The following DNAH14 variants were observed in gnomAD, a reference collection of about 807,000 sequenced individuals.
DNAH14 encodes the protein dynein axonemal heavy chain 14.
In DNAH14, 478 loss-of-function variants were observed where a neutral mutation model predicts 520.9. That is an observed-to-expected ratio of 0.92 (90% CI 0.85 to 0.99). DNAH14 has a LOEUF of 0.99. Among genes scored for constraint, DNAH14 ranks in the 50% least tolerant of loss-of-function variants. The pLI is 0.00. For synonymous variants in DNAH14, 1,581 were observed against 1,757.2 expected (o/e 0.90, Z 2.51); for missense variants, 4,831 against 5,234.5 (o/e 0.92, Z 2.38).
At chr1:225,126,752 T>G (rs891686098) in intron 27 of DNAH14, among the ~76,000 whole-genome samples, 1 of 152,162 alleles carries the variant, frequency 6.6e-6, no homozygotes, top group Admixed American at 6.5e-5. Context: ...TCTGCAAGCT[T>G]TTGAATGTGT....
intron 27 of DNAH14, among the ~76,000 whole-genome samples, chr1:225,124,565 C>G (rs924235075): frequency 1.3e-5 from 2 of 152,196 alleles, no homozygotes; most frequent in African/African-American, 4.8e-5. Context: ...CAAGTTTTTT[C>G]ATGAGATTGC....
intron 42 of DNAH14, among the ~76,000 whole-genome samples, chr1:225,234,048 C>G (rs1230232609): frequency 6.6e-6 from 1 of 152,144 alleles, no homozygotes; most frequent in Non-Finnish European, 1.5e-5. Flanking sequence ...ATAGGGAATC[C>G]TTTCCCCATT....
Position 225,389,735 on chromosome 1 carries a change from T to C in DNAH14, c.13192T>C (p.Tyr4398His). 6.4e-7 allele frequency: 1 copy of C among 1,552,134 alleles called. No homozygotes were observed. The highest frequency in any genetic ancestry group is 8.7e-7 in the Non-Finnish European group (1 of 1,147,058). Reference sequence around the variant, plus strand: ...AACCTGTGGTCTGCCTTCCACTAGGTATATGAGATTTGTCACAGTTTGGAA... The same window carrying C: ...AACCTGTGGTCTGCCTTCCACTAGGCATATGAGATTTGTCACAGTTTGGAA... The part of the protein sequence containing the change: ...KVAYTAIQRR[Y>H]MRFVTVWKQS... The change falls in exon 83 of 86, where the codon TAT (tyrosine) becomes CAT (histidine). Residue 4398 changes from tyrosine (Y) to histidine (H), a missense_variant and splice_region_variant. Transcript: ENST00000682510.
At chr1:225,384,837 C>T (rs1399441187) in intron 81 of DNAH14, among the ~76,000 whole-genome samples, 1 of 152,146 alleles carries the variant, frequency 6.6e-6, no homozygotes, top group East Asian at 1.9e-4. Context: ...GAAACTATTC[C>T]AATCAATAGA....
Position 225,330,664 on chromosome 1 carries a change from T to C in DNAH14, c.9724-773T>C, listed in dbSNP as rs577833224. Among the ~76,000 whole-genome samples the C allele has an allele frequency of 1.4e-4, 21 of 151,874 alleles. No individual in the cohort carries two copies. The East Asian group carries it at 4.1e-3, about 29-fold the overall frequency. Reference sequence around the variant, plus strand: ...GATGGTTACCAGAGGCTGGGAAGGGTAGTGGGAAGGTATGAGGAAGGTAAG... The same window carrying C: ...GATGGTTACCAGAGGCTGGGAAGGGCAGTGGGAAGGTATGAGGAAGGTAAG... On this transcript the variant is annotated intron_variant, in intron 64 of 85. Coordinates refer to ENST00000682510, the MANE Select transcript of DNAH14 (RefSeq NM_001367479.1).
intron 8 of DNAH14, among the ~76,000 whole-genome samples, chr1:224,980,722 G>A (rs1201384095): frequency 6.6e-6 from 1 of 152,152 alleles, no homozygotes; most frequent in Non-Finnish European, 1.5e-5. Context: ...CACAAGCCTG[G>A]CTGGCTTTGC....
chr1:225,332,770 G>A (rs1204731628), intron 65 of DNAH14, among the ~76,000 whole-genome samples: 1 of 151,130 alleles, frequency 6.6e-6, no homozygotes, highest in Non-Finnish European at 1.5e-5. Flanking sequence ...CAAGGCTGGA[G>A]GATTGCTTGA....
chr1:225,006,892 G>A (rs996552797), intron 9 of DNAH14, among the ~76,000 whole-genome samples: 4 of 152,144 alleles, frequency 2.6e-5, no homozygotes, highest in African/African-American at 4.8e-5. Context: ...GGGGCATCAC[G>A]GAATCTGCCG....
At chr1:225,296,511 T>G (rs1386464424) in intron 55 of DNAH14, among the ~76,000 whole-genome samples, 2 of 147,526 alleles carry the variant, frequency 1.4e-5, no homozygotes, top group Non-Finnish European at 1.5e-5. Context: ...GGTGGGTGGT[T>G]TTTTTTTTTT....
Position 225,159,086 on chromosome 1 carries a change from A to G in DNAH14, c.5274-228A>G, listed in dbSNP as rs185711176. 1.1e-4 allele frequency among the ~76,000 whole-genome samples: 16 copies of G among 152,286 alleles called. No individual in the cohort carries two copies. Among genetic ancestry groups the G allele is most frequent in the Non-Finnish European group, 2.1e-4 (14 of 68,014 alleles). ...TGATACAGTACCTTTCTCTGATTCA[A>G]TGTCTGGGGATTGGTGTTGCTCTTA... On this transcript the variant is annotated intron_variant, in intron 34 of 85. Coordinates refer to ENST00000682510, the MANE Select transcript of DNAH14 (RefSeq NM_001367479.1).
chr1:224,946,642 A>G (rs545489718), intron 1 of DNAH14, among the ~76,000 whole-genome samples: 26 of 152,278 alleles, frequency 1.7e-4, no homozygotes, highest in African/African-American at 6.0e-4. Context: ...TAATTTTAAT[A>G]CAATGTAGTT....
At chr1:225,354,004 C>A in intron 73 of DNAH14, 116 bp downstream of exon 73, 1 of 693,582 alleles carries the variant, frequency 1.4e-6, no homozygotes. Flanking sequence ...AAGTACATTT[C>A]GTGAACGTTA....
chr1:225,322,901 G>A, intron 62 of DNAH14, 78 bp downstream of exon 62: 1 of 1,332,328 alleles, frequency 7.5e-7, no homozygotes, highest in East Asian at 2.6e-5. Flanking sequence ...CATCTAAATT[G>A]TTCTATTCTT....
intron 27 of DNAH14, among the ~76,000 whole-genome samples, chr1:225,124,342 C>A (rs568213349): frequency 5.9e-5 from 9 of 152,312 alleles, no homozygotes; most frequent in African/African-American, 2.2e-4. Context: ...GCGTGCGATG[C>A]TTTCTGCTAG....
chr1:225,384,313 A>T (rs2095814983), intron 81 of DNAH14, among the ~76,000 whole-genome samples: 1 of 152,166 alleles, frequency 6.6e-6, no homozygotes, highest in Non-Finnish European at 1.5e-5. Context: ...TGACTTGTTG[A>T]TCTGTCTAAT....
At chr1:225,272,206 C>T (rs1260919463) in intron 51 of DNAH14, 133 bp downstream of exon 51, 2 of 836,472 alleles carry the variant, frequency 2.4e-6, no homozygotes, top group East Asian at 5.5e-5. Context: ...AGCAGCTTAT[C>T]TCATGAGTTA....
intron 55 of DNAH14, 115 bp from the exon 56 acceptor site, chr1:225,300,754 C>A: frequency 9.1e-7 from 1 of 1,096,410 alleles, no homozygotes; most frequent in Non-Finnish European, 1.3e-6. Context: ...AAAAAAATCA[C>A]TTAGCCTCAG....
At position 225,080,765 on chromosome 1, in the gene DNAH14, C is replaced by A; in HGVS notation, c.3136+17C>A. ...TAGAAAAAGGTAAAAATGTGTTTCTCAAATTTTCCCACCTAGGTCTATATA... is the reference window on the plus strand; with the variant it reads ...TAGAAAAAGGTAAAAATGTGTTTCTAAAATTTTCCCACCTAGGTCTATATA... On this transcript the variant is annotated intron_variant, in intron 19 of 85. Transcript: ENST00000682510. 6.7e-7 allele frequency: 1 copy of A among 1,488,640 alleles called. No homozygotes were observed. Among genetic ancestry groups the A allele is most frequent in the South Asian group, 1.4e-5 (1 of 70,826 alleles). The allele number at this position is 1,488,640 out of a possible 1,614,324, so 92.2% of individuals were successfully genotyped here. A position where few individuals can be genotyped will look rare whatever the true frequency, so the allele number is the denominator to read the frequency against.
chr1:225,029,491 T>C (rs1468116759), intron 11 of DNAH14, among the ~76,000 whole-genome samples: 27 of 152,058 alleles, frequency 1.8e-4, no homozygotes, highest in Admixed American at 1.7e-3. Flanking sequence ...ATGTAACTTG[T>C]CAGATACTTT....
Sources: allele counts gnomAD v4.1 joint callset (sites outside exome capture counted in the v4.1 genomes callset), GRCh38; gene constraint gnomAD v4.1.1; transcripts MANE v1.5; gene names NCBI Gene and HGNC (gene_info 2026-07-23, HGNC 2026-07-21).